PRKD1: variants seen among roughly 807,000 people sequenced by gnomAD.
PRKD1 encodes the protein serine/threonine-protein kinase D1.
PRKD1 carries 63 observed loss-of-function variants against 95.9 expected under a neutral mutation model. The observed-to-expected ratio is 0.66, with a 90% CI of 0.54 to 0.81. The LOEUF is 0.81. Ranked by LOEUF, PRKD1 falls within the 30% of genes least tolerant of loss-of-function variation. The pLI is 0.00. For missense variants in PRKD1, 1,048 were observed against 1,165.3 expected, an observed-to-expected ratio of 0.90 and a Z score of 1.47; for synonymous variants, 425 against 423.1, an observed-to-expected ratio of 1.00 and a Z score of -0.05.
intron 13 of PRKD1, among the ~76,000 whole-genome samples, chr14:29,610,759 A>T (rs8019731): frequency 6.6e-6 from 1 of 152,126 alleles, no homozygotes; most frequent in African/African-American, 2.4e-5. Flanking sequence ...CAAGCAACCA[A>T]GATGTCTTTC....
At chr14:29,887,381 G>A (rs548976421) in intron 1 of PRKD1, among the ~76,000 whole-genome samples, 1 of 152,272 alleles carries the variant, frequency 6.6e-6, no homozygotes, top group Admixed American at 6.5e-5. Flanking sequence ...TTATATGTGT[G>A]TGTATTCAGT....
At chr14:29,859,087 G>A (rs1229934615) in intron 1 of PRKD1, among the ~76,000 whole-genome samples, 2 of 152,180 alleles carry the variant, frequency 1.3e-5, no homozygotes, top group East Asian at 3.8e-4. Context: ...TTCCCCACTT[G>A]CAAAGATTCA....
At chr14:29,775,049 A>G (rs1888674025) in intron 1 of PRKD1, among the ~76,000 whole-genome samples, 1 of 152,204 alleles carries the variant, frequency 6.6e-6, no homozygotes, top group Non-Finnish European at 1.5e-5. Flanking sequence ...TAGTTTGGAT[A>G]GAAGAGTTTG....
intron 1 of PRKD1, among the ~76,000 whole-genome samples, chr14:29,817,072 T>C (rs1890722458): frequency 6.6e-6 from 1 of 152,224 alleles, no homozygotes; most frequent in Admixed American, 6.5e-5. Context: ...GCTTCAGCAT[T>C]TTTGCAAGGT....
intron 1 of PRKD1, among the ~76,000 whole-genome samples, chr14:29,729,529 T>C (rs551598358): frequency 6.6e-6 from 1 of 152,198 alleles, no homozygotes; most frequent in Admixed American, 6.5e-5. Context: ...CATTAATTTC[T>C]TATATCCTTT....
rs34749231 is a variant in PRKD1, at chr14:29,618,258, A to ATTTT, written c.1905+5890_1905+5893dup. Among the ~76,000 whole-genome samples the ATTTT allele has an allele frequency of 5.9e-3, 859 of 145,580 alleles. 11 individuals carry two copies. Among genetic ancestry groups the ATTTT allele is most frequent in the African/African-American group, 0.019 (760 of 39,510 alleles). On this transcript the variant is annotated intron_variant, in intron 13 of 17. Coordinates refer to ENST00000331968, the MANE Select transcript of PRKD1 (RefSeq NM_002742.3). ...TGAAATAAGCTTAATATCTACATTC[A>ATTTT]TTTTTTTTTTTTTGAGATGAGTCTC...
chr14:29,787,277 T>C (rs1889320305), intron 1 of PRKD1, among the ~76,000 whole-genome samples: 1 of 150,464 alleles, frequency 6.6e-6, no homozygotes, highest in Admixed American at 6.7e-5. Flanking sequence ...ATATTCCATG[T>C]GCTGATGAGA....
chr14:29,623,808 T>C, intron 13 of PRKD1, among the ~76,000 whole-genome samples: 1 of 152,170 alleles, frequency 6.6e-6, no homozygotes, highest in Non-Finnish European at 1.5e-5. Context: ...TTCATGTTAT[T>C]ATCACAGCAT....
chr14:29,757,066 G>A (rs998965141), intron 1 of PRKD1, among the ~76,000 whole-genome samples: 11 of 152,040 alleles, frequency 7.2e-5, no homozygotes, highest in African/African-American at 2.7e-4. Context: ...ATAATTAATT[G>A]TACTATGGGT....
At chr14:29,728,388 T>C (rs1413156750) in intron 1 of PRKD1, among the ~76,000 whole-genome samples, 1 of 152,148 alleles carries the variant, frequency 6.6e-6, no homozygotes, top group Admixed American at 6.5e-5. Context: ...AATCAAGCCA[T>C]GAGACATTTT....
Position 29,577,225 on chromosome 14 carries a change from TAGG to T in PRKD1, c.*10_*12del. On this transcript the variant is annotated 3_prime_UTR_variant, in exon 18 of 18. Transcript: ENST00000331968. ...AGTTCCACAGTGTTTTGACAGATTA[TAGG>T]AGATGGAACTCAGAGGATGCTGACA... The T allele has an allele frequency of 6.2e-7, 1 of 1,601,526 alleles. No homozygotes were observed.
At chr14:29,598,086 G>A (rs1477579946) in intron 15 of PRKD1, among the ~76,000 whole-genome samples, 1 of 148,952 alleles carries the variant, frequency 6.7e-6, no homozygotes, top group Non-Finnish European at 1.5e-5. Context: ...GACCAGTCTA[G>A]GCACATAGTG....
At position 29,751,387 on chromosome 14, in the gene PRKD1, A is replaced by G. The variant is rs1204210130; in HGVS notation, c.265-25713T>C. Among the ~76,000 whole-genome samples the G allele has an allele frequency of 2.0e-5, 3 of 152,268 alleles. No homozygotes were observed. In the East Asian group the frequency reaches 5.8e-4, roughly 29 times the overall value. On this transcript the variant is annotated intron_variant, in intron 1 of 17. Transcript: ENST00000331968. ...GGGGAATCTTTTTCCTTCCTGATAAAAAGATGAGGCATGCACATTAAGCTC... is the reference window on the plus strand; with the variant it reads ...GGGGAATCTTTTTCCTTCCTGATAAGAAGATGAGGCATGCACATTAAGCTC...
rs186523597 is a variant in PRKD1 at position 29,656,559 on chromosome 14, A to G, written c.696+7140T>C. 570 of 1,487,498 alleles carry G rather than the reference A, an allele frequency of 3.8e-4. 2 individuals are homozygous for G. In the African/African-American group the frequency reaches 7.1e-3, roughly 19 times the overall value. The allele number at this position is 1,487,498 out of a possible 1,614,324, so 92.1% of individuals were successfully genotyped here. On this transcript the variant is annotated intron_variant, in intron 4 of 17. Transcript: ENST00000331968. ...AAAGGTGCAGAATCAAAGGAGAAAA[A>G]GACAGGAAAACAACGTTATTGGATG...
At chr14:29,826,448 A>G (rs1332204562) in intron 1 of PRKD1, among the ~76,000 whole-genome samples, 1 of 77,858 alleles carries the variant, frequency 1.3e-5, no homozygotes, top group African/African-American at 6.0e-5. Flanking sequence ...ATATATATAC[A>G]TATATATGAT....
At chr14:29,725,294 T>C (rs1886084131) in intron 2 of PRKD1, among the ~76,000 whole-genome samples, 1 of 152,128 alleles carries the variant, frequency 6.6e-6, no homozygotes, top group South Asian at 2.1e-4. Context: ...TGCTAGAGGC[T>C]GAGAGGGGGC....
intron 16 of PRKD1, among the ~76,000 whole-genome samples, chr14:29,583,283 C>G (rs1316307090): frequency 1.3e-5 from 2 of 152,068 alleles, no homozygotes; most frequent in Non-Finnish European, 2.9e-5. Context: ...TAAACAGATG[C>G]CGTTTAAATA....
At chr14:29,761,785 T>A (rs951598235) in intron 1 of PRKD1, among the ~76,000 whole-genome samples, 1 of 149,662 alleles carries the variant, frequency 6.7e-6, no homozygotes, top group East Asian at 2.0e-4. Flanking sequence ...TCTTTCTTTT[T>A]TTTTTTTTTT....
chr14:29,818,989 T>C (rs1038176966), intron 1 of PRKD1, among the ~76,000 whole-genome samples: 1 of 151,682 alleles, frequency 6.6e-6, no homozygotes, highest in Non-Finnish European at 1.5e-5. Flanking sequence ...AAATAAGAAA[T>C]TTCTTATTAA....
Sources: allele counts gnomAD v4.1 joint callset (sites outside exome capture counted in the v4.1 genomes callset), GRCh38; gene constraint gnomAD v4.1.1; transcripts MANE v1.5; gene names NCBI Gene and HGNC (gene_info 2026-07-23, HGNC 2026-07-21).